The following SLC36A1 variants were observed in gnomAD, a reference collection of about 807,000 sequenced individuals.
SLC36A1 encodes the protein solute carrier family 36 member 1, also known as proton-coupled amino acid transporter 1.
Under a neutral mutation model 47.5 loss-of-function variants are expected in SLC36A1, and 30 were observed. The observed-to-expected ratio is 0.63, with a 90% confidence interval of 0.47 to 0.86. SLC36A1 has a LOEUF of 0.86. SLC36A1 is among the 40% of genes least tolerant of loss of function. SLC36A1 has a pLI of 0.00. For missense variants in SLC36A1, 517 were observed against 606.0 expected (o/e 0.85, Z 1.54); for synonymous variants, 255 against 249.7 (o/e 1.02, Z -0.20).
At chr5:151,405,507 C>A in the SLC36A1 span, among the ~76,000 whole-genome samples, 2 of 152,074 alleles carry the variant, frequency 1.3e-5, no homozygotes. Flanking sequence ...AGCCACTGCA[C>A]CCAACACCTC....
At chr5:151,467,946 C>G in intron 7 of SLC36A1, 21 bp downstream of exon 7, 1 of 1,602,942 alleles carries the variant, frequency 6.2e-7, no homozygotes, top group Non-Finnish European at 8.5e-7. Flanking sequence ...AGGCCCTCTC[C>G]TATCATCTTG....
At chr5:151,433,232 A>T (rs1432961344), upstream of SLC36A1, among the ~76,000 whole-genome samples, 11 of 6,446 alleles carry the variant, frequency 1.7e-3, no homozygotes, top group East Asian at 0.034. Context: ...ATATATATAT[A>T]TATATATATA....
the SLC36A1 span, among the ~76,000 whole-genome samples, chr5:151,536,320 T>C: frequency 6.6e-6 from 1 of 152,224 alleles, no homozygotes; most frequent in Admixed American, 6.5e-5. Context: ...TCCCTCTGCC[T>C]GTCCCTGCTG....
At chr5:151,476,846 T>G in intron 9 of SLC36A1, 90 bp downstream of exon 9, 9 of 1,484,024 alleles carry the variant, frequency 6.1e-6, no homozygotes, top group Non-Finnish European at 7.4e-6. Flanking sequence ...TACTTATCTC[T>G]TAAACCAGCC....
At chr5:151,376,090 T>C in the SLC36A1 span, among the ~76,000 whole-genome samples, 1 of 152,222 alleles carries the variant, frequency 6.6e-6, no homozygotes, top group Non-Finnish European at 1.5e-5. Context: ...GGGAGATTGC[T>C]TTAAACTTTT....
the SLC36A1 span, chr5:151,512,489 C>T: frequency 6.2e-7 from 1 of 1,614,210 alleles, no homozygotes; most frequent in Admixed American, 1.7e-5. This position sits in a 1 kb window ranked among gnomAD's most constrained non-coding sequence, Gnocchi z 4.1. Context: ...ATGGAAGCGT[C>T]CATCTCCTCC....
chr5:151,464,724 C>T, intron 4 of SLC36A1, 122 bp downstream of exon 4: 1 of 810,550 alleles, frequency 1.2e-6, no homozygotes, highest in Non-Finnish European at 2.0e-6. Flanking sequence ...GAGGTAGCAG[C>T]TTATGATTGC....
At chr5:151,358,691 C>T in the SLC36A1 span, among the ~76,000 whole-genome samples, 5 of 151,350 alleles carry the variant, frequency 3.3e-5, no homozygotes, top group African/African-American at 4.9e-5. Context: ...TGTTGATTCT[C>T]GGCCGGGCGC....
chr5:151,407,875 C>T, the SLC36A1 span, among the ~76,000 whole-genome samples: 1 of 152,152 alleles, frequency 6.6e-6, no homozygotes, highest in Non-Finnish European at 1.5e-5. Context: ...GAACCTGAAG[C>T]CCAGGAAGGC....
chr5:151,512,907 T>G, the SLC36A1 span: 2 of 397,922 alleles, frequency 5.0e-6, no homozygotes, highest in African/African-American at 2.0e-5. This position sits in a 1 kb window ranked among gnomAD's most constrained non-coding sequence, Gnocchi z 4.1. Flanking sequence ...TTTGGATGCT[T>G]CTTCACAGGC....
chr5:151,553,462 C>G, the SLC36A1 span: 1 of 1,315,202 alleles, frequency 7.6e-7, no homozygotes, highest in African/African-American at 1.5e-5. Flanking sequence ...GGACAGGAAC[C>G]AGAGCGTCCT....
At chr5:151,452,856 G>A (rs191456635) in intron 1 of SLC36A1, among the ~76,000 whole-genome samples, 27 of 127,654 alleles carry the variant, frequency 2.1e-4, no homozygotes, top group African/African-American at 7.9e-4. Context: ...GGCAACAGAG[G>A]GAGACACCAT....
chr5:151,554,092 G>A, the SLC36A1 span, among the ~76,000 whole-genome samples: 1 of 152,182 alleles, frequency 6.6e-6, no homozygotes, highest in Non-Finnish European at 1.5e-5. Flanking sequence ...CAGGCTTATT[G>A]GTTCCAAAGC....
At chr5:151,386,965 C>T in the SLC36A1 span, 75,399 of 152,112 alleles carry the variant, frequency 0.5, 20,720 homozygotes, top group African/African-American at 0.75. Context: ...TGGAATGTTG[C>T]ACTTGCTCTA....
the SLC36A1 span, among the ~76,000 whole-genome samples, chr5:151,396,001 G>C: frequency 6.6e-6 from 1 of 151,830 alleles, no homozygotes; most frequent in Admixed American, 6.6e-5. Context: ...CTAGAGATGG[G>C]ATCTCACCAT....
chr5:151,458,936 G>A lies in SLC36A1; in HGVS notation c.143+1G>A, dbSNP rs774010579. The A allele has an allele frequency of 9.3e-6, 15 of 1,606,136 alleles. No individual in the cohort carries two copies. The highest frequency in any genetic ancestry group is 2.2e-5 in the East Asian group (1 of 44,730). The stretch of plus-strand genomic sequence containing the variant: ...GCTTTGGTCAAAGCAATAGCACAAC[G>A]TGAGTAGCTGTTACCTTCTCCTCTC... On this transcript the variant is annotated splice_donor_variant, in intron 2 of 10. Transcript: ENST00000243389. LOFTEE classifies it high-confidence loss of function.
At chr5:151,382,276 C>T in the SLC36A1 span, 2 of 1,298,116 alleles carry the variant, frequency 1.5e-6, no homozygotes, top group Non-Finnish European at 2.2e-6. Flanking sequence ...ATAGCACACA[C>T]AGGCTTTGAG....
the SLC36A1 span, among the ~76,000 whole-genome samples, chr5:151,520,638 C>T: frequency 6.6e-6 from 1 of 152,176 alleles, no homozygotes; most frequent in African/African-American, 2.4e-5. Context: ...CCGAACCCAA[C>T]TCCAGGAGGC....
the SLC36A1 span, among the ~76,000 whole-genome samples, chr5:151,384,196 C>T: frequency 6.6e-6 from 1 of 152,112 alleles, no homozygotes; most frequent in Non-Finnish European, 1.5e-5. Flanking sequence ...GTGTTCTAGT[C>T]CTTGCTCTGA....
Sources: allele counts gnomAD v4.1 joint callset (sites outside exome capture counted in the v4.1 genomes callset), GRCh38; gene constraint gnomAD v4.1.1; non-coding constraint Gnocchi (gnomAD v3.1); transcripts MANE v1.5; gene names NCBI Gene and HGNC (gene_info 2026-07-23, HGNC 2026-07-21).